Variants in PITPNM2 observed in about 807,000 individuals in gnomAD.
PITPNM2 encodes the protein phosphatidylinositol transfer protein membrane associated 2, also known as membrane-associated phosphatidylinositol transfer protein 2.
PITPNM2 carries 35 observed loss-of-function variants against 132.2 expected under a neutral mutation model. The observed-to-expected ratio is 0.26, with a 90% CI of 0.20 to 0.35. The LOEUF is 0.35. Among genes scored for constraint, PITPNM2 ranks in the 10% least tolerant of loss-of-function variants. The pLI is 1.00. For synonymous variants in PITPNM2, 738 were observed against 799.2 expected (o/e 0.92, Z 1.29); for missense variants, 1,332 against 1,912.0 (o/e 0.70, Z 5.66).
At position 123,098,285 on chromosome 12, in the gene PITPNM2, G is replaced by A. The variant is rs371146800; in HGVS notation, c.-96+12100C>T. Among the ~76,000 whole-genome samples the A allele has an allele frequency of 1.1e-3, 168 of 152,312 alleles. 1 individual carries two copies. The Middle Eastern group carries it at 0.017, about 15-fold the overall frequency. ...GGCCTGGAATGGGTTGGGGCTCATG[G>A]GAGGAGGAAGAAGGTGCCAGATGTA... is the stretch of plus-strand genomic sequence containing the variant. On this transcript the variant is annotated intron_variant, in intron 2 of 25. Coordinates refer to ENST00000320201, the MANE Select transcript of PITPNM2 (RefSeq NM_020845.3).
At chr12:123,134,526 C>A (rs955987115) in intron 1 of PITPNM2, among the ~76,000 whole-genome samples, 1 of 152,310 alleles carries the variant, frequency 6.6e-6, no homozygotes, top group South Asian at 2.1e-4. Flanking sequence ...ACCGTTCTTG[C>A]ACACACAAAT....
intron 3 of PITPNM2, among the ~76,000 whole-genome samples, chr12:123,025,982 G>A (rs2039850535): frequency 6.6e-6 from 1 of 152,182 alleles, no homozygotes; most frequent in Admixed American, 6.5e-5. Context: ...GCAGAGCCAG[G>A]CCTTGAATTC....
At chr12:123,018,942 C>T (rs2039561237) in intron 3 of PITPNM2, among the ~76,000 whole-genome samples, 1 of 151,942 alleles carries the variant, frequency 6.6e-6, no homozygotes, top group African/African-American at 2.4e-5. Context: ...TGCCACCAAG[C>T]TTGGCTAATT....
At chr12:123,046,980 T>G (rs962529616) in intron 2 of PITPNM2, among the ~76,000 whole-genome samples, 12 of 152,226 alleles carry the variant, frequency 7.9e-5, no homozygotes, top group African/African-American at 2.7e-4. Context: ...TATATACATA[T>G]GCACCCCTAG....
intron 2 of PITPNM2, among the ~76,000 whole-genome samples, chr12:123,068,220 C>A (rs1346919285): frequency 1.3e-5 from 2 of 151,774 alleles, no homozygotes; most frequent in African/African-American, 2.4e-5. Flanking sequence ...GTAATCCCAG[C>A]ACTTTGGGAG....
chr12:123,055,977 T>TCATA (rs1566270095), intron 2 of PITPNM2, among the ~76,000 whole-genome samples: 1 of 152,188 alleles, frequency 6.6e-6, no homozygotes, highest in Non-Finnish European at 1.5e-5. Context: ...TATGATGTGT[T>TCATA]CATACTCCAC....
intron 2 of PITPNM2, among the ~76,000 whole-genome samples, chr12:123,062,503 G>A (rs1332592004): frequency 6.6e-6 from 1 of 152,138 alleles, no homozygotes; most frequent in African/African-American, 2.4e-5. Context: ...GGACGGGGCA[G>A]GGGCAGAGGC....
Position 123,099,559 on chromosome 12 carries a change from G to A in PITPNM2, c.-96+10826C>T, listed in dbSNP as rs1320653111. Among the ~76,000 whole-genome samples the A allele has an allele frequency of 6.6e-6, 1 of 152,150 alleles. No individual in the cohort carries two copies. Among genetic ancestry groups the A allele is most frequent in the Non-Finnish European group, 1.5e-5 (1 of 68,024 alleles). ...GAACATCATCTCCTTCCACATGGCC[G>A]ATCATAGAGCAGGAGCCCAGTGCAG... On this transcript the variant is annotated intron_variant, in intron 2 of 25. Transcript: ENST00000320201. The surrounding 1 kb of genome is among the most constrained non-coding windows in gnomAD (Gnocchi z 4.2).
intron 12 of PITPNM2, 59 bp downstream of exon 12, chr12:122,996,662 C>G: frequency 6.2e-7 from 1 of 1,611,336 alleles, no homozygotes; most frequent in Non-Finnish European, 8.5e-7. Flanking sequence ...CCCCCTGAGG[C>G]CAGCCCGCCC....
chr12:123,068,985 G>C (rs1185708043), intron 2 of PITPNM2, among the ~76,000 whole-genome samples: 1 of 152,174 alleles, frequency 6.6e-6, no homozygotes, highest in Non-Finnish European at 1.5e-5. Flanking sequence ...AGGTACAGTG[G>C]CTCACACCCT....
At position 123,082,316 on chromosome 12, in the gene PITPNM2, A is replaced by G. The variant is rs1215600813; in HGVS notation, c.-96+28069T>C. 5.3e-5 allele frequency among the ~76,000 whole-genome samples: 8 copies of G among 151,960 alleles called. No homozygotes were observed. The East Asian group carries it at 1.5e-3, about 29-fold the overall frequency. On this transcript the variant is annotated intron_variant, in intron 2 of 25. Coordinates refer to ENST00000320201, the MANE Select transcript of PITPNM2 (RefSeq NM_020845.3). The surrounding 1 kb of genome is among the most constrained non-coding windows in gnomAD (Gnocchi z 5.4). Reference sequence around the variant, plus strand: ...ACTTGGCCCTGACTCTAACCCTGGCATTCCTCTGACCCTTTCTAATTTTCT... The same window carrying G: ...ACTTGGCCCTGACTCTAACCCTGGCGTTCCTCTGACCCTTTCTAATTTTCT...
chr12:123,136,722 C>G (rs377519328), intron 1 of PITPNM2, among the ~76,000 whole-genome samples: 2 of 151,988 alleles, frequency 1.3e-5, no homozygotes, highest in South Asian at 4.2e-4. Context: ...GCAGTGAAAC[C>G]CCGTCTCTAC....
rs762896348 is a variant in PITPNM2 at position 123,119,355 on chromosome 12, A to ACTTTTTTTTTTTTTTTTTTTTTT, written c.-199-8868_-199-8867insAAAAAAAAAAAAAAAAAAAAAAG. Among the ~76,000 whole-genome samples, 2 of 129,306 alleles carry ACTTTTTTTTTTTTTTTTTTTTTT rather than the reference A, an allele frequency of 1.5e-5. 1 individual carries two copies. Among genetic ancestry groups the ACTTTTTTTTTTTTTTTTTTTTTT allele is most frequent in the African/African-American group, 5.6e-5 (2 of 35,422 alleles). 84.8% of individuals were successfully genotyped at this position (129,306 alleles called of 152,430 possible). On this transcript the variant is annotated intron_variant, in intron 1 of 25. Transcript: ENST00000320201. ...CTATCTAGAAGCATAGAGGATGGTG[A>ACTTTTTTTTTTTTTTTTTTTTTT]TTTTTTTTTTTTTTTTTTTTGAGAC...
In PITPNM2 at chr12:123,150,548, C is replaced by G. The variant is rs1313619868; in HGVS notation, c.-200+205G>C. Among the ~76,000 whole-genome samples, 5 of 151,864 alleles carry G rather than the reference C, an allele frequency of 3.3e-5. No homozygotes were observed. The highest frequency in any genetic ancestry group is 5.9e-5 in the Non-Finnish European group (4 of 67,942). ...CACTGAGGCCAGGCTCGGGCGGTCT[C>G]CCGAGCGGGGCTCCCGTACGCCACA... On this transcript the variant is annotated intron_variant, in intron 1 of 25. Coordinates refer to ENST00000320201, the MANE Select transcript of PITPNM2 (RefSeq NM_020845.3). This position sits in a 1 kb window ranked among gnomAD's most constrained non-coding sequence, Gnocchi z 6.0.
In PITPNM2 at chr12:123,106,130, G is replaced by A. The variant is rs2042705028; in HGVS notation, c.-96+4255C>T. Reference sequence around the variant, plus strand: ...CCCCCTGCTTCTTCTCTTCACCCCAGATAGCCTGCTCTCAACACGGCAGCC... The same window carrying A: ...CCCCCTGCTTCTTCTCTTCACCCCAAATAGCCTGCTCTCAACACGGCAGCC... On this transcript the variant is annotated intron_variant, in intron 2 of 25. Coordinates refer to ENST00000320201, the MANE Select transcript of PITPNM2 (RefSeq NM_020845.3). The surrounding 1 kb of genome is among the most constrained non-coding windows in gnomAD (Gnocchi z 4.4). 6.6e-6 allele frequency among the ~76,000 whole-genome samples: 1 copy of A among 152,200 alleles called. No individual in the cohort carries two copies. Among genetic ancestry groups the A allele is most frequent in the Admixed American group, 6.5e-5 (1 of 15,292 alleles).
chr12:123,012,796 G>C (rs2039263889), intron 4 of PITPNM2, 62 bp from the exon 5 acceptor site: 2 of 1,589,098 alleles, frequency 1.3e-6, no homozygotes, highest in Non-Finnish European at 1.7e-6. Flanking sequence ...GTCCTGGCCA[G>C]GGCCTGTTGA....
intron 1 of PITPNM2, among the ~76,000 whole-genome samples, chr12:123,122,834 AG>A (rs988466466): frequency 3.3e-5 from 5 of 152,208 alleles, no homozygotes; most frequent in African/African-American, 1.2e-4. Context: ...CTCACACAGA[AG>A]GAGTTTTCTC....
At position 123,111,160 on chromosome 12, in the gene PITPNM2, C is replaced by T. The variant is rs1230636907; in HGVS notation, c.-199-672G>A. Among the ~76,000 whole-genome samples, 3 of 152,240 alleles carry T rather than the reference C, an allele frequency of 2.0e-5. No individual in the cohort carries two copies. Among genetic ancestry groups the T allele is most frequent in the Non-Finnish European group, 4.4e-5 (3 of 68,050 alleles). ...CACAGGTACCACTGAAGCCACTACC[C>T]AACCCAGGGCTCCTACAGGGACCAC... On this transcript the variant is annotated intron_variant, in intron 1 of 25. Transcript: ENST00000320201. This position sits in a 1 kb window ranked among gnomAD's most constrained non-coding sequence, Gnocchi z 4.1.
chr12:123,120,654 T>C (rs2043016207), intron 1 of PITPNM2, among the ~76,000 whole-genome samples: 1 of 152,202 alleles, frequency 6.6e-6, no homozygotes, highest in Admixed American at 6.5e-5. Context: ...CAGTCTGGGA[T>C]GATGACCTTT....
Sources: allele counts gnomAD v4.1 joint callset (sites outside exome capture counted in the v4.1 genomes callset), GRCh38; gene constraint gnomAD v4.1.1; non-coding constraint Gnocchi (gnomAD v3.1); transcripts MANE v1.5; gene names NCBI Gene and HGNC (gene_info 2026-07-23, HGNC 2026-07-21).